Variants in CBFA2T2 observed in about 807,000 individuals in gnomAD.
The protein encoded by CBFA2T2 is protein CBFA2T2.
CBFA2T2 carries 11 observed loss-of-function variants against 62.2 expected under a neutral mutation model. The observed-to-expected ratio is 0.18, with a 90% confidence interval of 0.11 to 0.29. The LOEUF (loss-of-function observed/expected upper bound fraction) is 0.29, where lower values mean the gene tolerates loss of function less well. Ranked by LOEUF, CBFA2T2 falls within the 10% of genes least tolerant of loss-of-function variation. CBFA2T2 has a pLI of 1.00. For missense variants in CBFA2T2, 592 were observed against 774.1 expected, an observed-to-expected ratio of 0.76 and a Z score of 2.79; for synonymous variants, 295 against 287.5, an observed-to-expected ratio of 1.03 and a Z score of -0.27.
intron 1 of CBFA2T2, among the ~76,000 whole-genome samples, chr20:33,598,666 A>G (rs567645622): frequency 6.6e-6 from 1 of 152,200 alleles, no homozygotes; most frequent in Non-Finnish European, 1.5e-5. Context: ...TGACAGGATT[A>G]AGAGATTAAA....
intron 1 of CBFA2T2, among the ~76,000 whole-genome samples, chr20:33,537,567 A>C (rs898988039): frequency 6.6e-6 from 1 of 152,204 alleles, no homozygotes; most frequent in African/African-American, 2.4e-5. Flanking sequence ...TGTTGTGTCT[A>C]AGGAATCTTT....
intron 1 of CBFA2T2, among the ~76,000 whole-genome samples, chr20:33,533,406 G>A (rs1156383570): frequency 1.3e-5 from 2 of 152,136 alleles, no homozygotes; most frequent in African/African-American, 2.4e-5. Flanking sequence ...CATACAATAT[G>A]CACTCCTTTC....
At chr20:33,540,323 G>A (rs2012378897) in intron 1 of CBFA2T2, among the ~76,000 whole-genome samples, 1 of 152,164 alleles carries the variant, frequency 6.6e-6, no homozygotes, top group Non-Finnish European at 1.5e-5. Flanking sequence ...ATTATAGAGT[G>A]TACTTACACA....
At chr20:33,607,309 T>C (rs1318375314) in intron 2 of CBFA2T2, among the ~76,000 whole-genome samples, 1 of 152,248 alleles carries the variant, frequency 6.6e-6, no homozygotes, top group African/African-American at 2.4e-5. Context: ...TTTAGTTGTT[T>C]AAATATTTTG....
chr20:33,562,964 T>C (rs2013144943), intron 1 of CBFA2T2, among the ~76,000 whole-genome samples: 1 of 152,244 alleles, frequency 6.6e-6, no homozygotes, highest in Non-Finnish European at 1.5e-5. Context: ...AATATTTCTG[T>C]AAGGTTTTCC....
At position 33,522,119 on chromosome 20, in the gene CBFA2T2, C is replaced by T. The variant is rs760108789; in HGVS notation, c.34+31818C>T. 3.6e-4 allele frequency among the ~76,000 whole-genome samples: 54 copies of T among 152,042 alleles called. 1 individual carries two copies. The highest frequency in any genetic ancestry group is 6.5e-4 in the Non-Finnish European group (44 of 68,030). ...CTGAAGAATGGAATTGAAATAGAGACTCCAGGGTCATAGACTCTTGGAAGG... is the reference window on the plus strand; with the variant it reads ...CTGAAGAATGGAATTGAAATAGAGATTCCAGGGTCATAGACTCTTGGAAGG... On this transcript the variant is annotated intron_variant, in intron 1 of 10. Transcript: ENST00000342704.
intron 1 of CBFA2T2, among the ~76,000 whole-genome samples, chr20:33,523,077 T>C (rs1198820449): frequency 1.3e-5 from 2 of 152,142 alleles, no homozygotes; most frequent in Non-Finnish European, 2.9e-5. Context: ...AAATTTACCT[T>C]AGCCATGGGG....
chr20:33,528,490 A>G (rs1349080460), intron 1 of CBFA2T2, among the ~76,000 whole-genome samples: 1 of 151,976 alleles, frequency 6.6e-6, no homozygotes, highest in South Asian at 2.1e-4. Context: ...TTGGTGGGCT[A>G]TTTTTCTCTC....
At chr20:33,622,426 TTA>T (rs1268366738) in intron 4 of CBFA2T2, among the ~76,000 whole-genome samples, 7 of 152,328 alleles carry the variant, frequency 4.6e-5, no homozygotes, top group African/African-American at 1.4e-4. Context: ...AATTTCTACT[TTA>T]TGTTTTTTTT....
chr20:33,613,700 C>T lies in CBFA2T2; in HGVS notation c.420+2365C>T, dbSNP rs529439531. 2.0e-5 allele frequency among the ~76,000 whole-genome samples: 3 copies of T among 152,230 alleles called. No homozygotes were observed. In the East Asian group the frequency reaches 5.8e-4, roughly 29 times the overall value. On this transcript the variant is annotated intron_variant, in intron 3 of 10. Coordinates refer to ENST00000342704, the MANE Select transcript of CBFA2T2 (RefSeq NM_001032999.3). ...GCAGAACCACTCTACACACGGCCAC[C>T]CTTATCGGTTAGGGAGAAGTTTAGT...
chr20:33,606,563 C>G (rs992276894), intron 1 of CBFA2T2, among the ~76,000 whole-genome samples: 1 of 152,150 alleles, frequency 6.6e-6, no homozygotes, highest in Admixed American at 6.5e-5. Context: ...TGGCATTCCT[C>G]GGTGTATAGA....
At chr20:33,626,731 C>T (rs911650495) in intron 6 of CBFA2T2, among the ~76,000 whole-genome samples, 5 of 152,160 alleles carry the variant, frequency 3.3e-5, no homozygotes, top group Admixed American at 6.5e-5. Flanking sequence ...TACTTAGGCT[C>T]ACTAGCATCT....
chr20:33,567,259 C>T (rs1478053985), intron 1 of CBFA2T2, among the ~76,000 whole-genome samples: 2 of 152,290 alleles, frequency 1.3e-5, no homozygotes, highest in Admixed American at 6.5e-5. Context: ...AGCAACAGCT[C>T]GTGGAAATCC....
rs1235253004 is a variant in CBFA2T2, at chr20:33,623,240, C to T, written c.636C>T (p.Asp212=). The change falls in exon 5 of 11, where the codon GAC becomes GAT. Residue 212 remains aspartate, a synonymous_variant. Coordinates refer to ENST00000342704, the MANE Select transcript of CBFA2T2 (RefSeq NM_001032999.3). The stretch of plus-strand genomic sequence containing the variant: ...ACACAAGCATTGCATCGCCTGCTGA[C>T]TCGTCAGAGTTGCTCATGGAGGTGC... ...LLNTSIASPA[D]SSELLMEVHG... is the part of the protein sequence containing the mutation. 6.2e-6 allele frequency: 10 copies of T among 1,614,120 alleles called. No individual in the cohort carries two copies. The Admixed American group carries it at 1.7e-4, about 27-fold the overall frequency.
At chr20:33,529,743 T>TTA (rs139769122) in intron 1 of CBFA2T2, among the ~76,000 whole-genome samples, 31 of 4,046 alleles carry the variant, frequency 7.7e-3, no homozygotes, top group African/African-American at 9.5e-3. Context: ...AAGAAAGCAG[T>TTA]TATATATATA....
intron 3 of CBFA2T2, among the ~76,000 whole-genome samples, chr20:33,619,212 T>G (rs931627817): frequency 6.6e-6 from 1 of 152,036 alleles, no homozygotes; most frequent in African/African-American, 2.4e-5. Flanking sequence ...GCATCTCTAC[T>G]AAACATTTAA....
chr20:33,583,926 A>G (rs544529253), intron 1 of CBFA2T2, among the ~76,000 whole-genome samples: 8 of 151,334 alleles, frequency 5.3e-5, no homozygotes, highest in African/African-American at 2.0e-4. Context: ...TTATTTATTT[A>G]TTTATTTGTT....
At chr20:33,628,592 C>T (rs189001182) in intron 7 of CBFA2T2, among the ~76,000 whole-genome samples, 157 bp downstream of exon 7, 17 of 152,306 alleles carry the variant, frequency 1.1e-4, no homozygotes, top group East Asian at 3.9e-4. Flanking sequence ...CCTCTGTCTT[C>T]GGAGTAGCTG....
At chr20:33,633,381 T>A (rs6059392) in intron 8 of CBFA2T2, among the ~76,000 whole-genome samples, 1,592 of 39,506 alleles carry the variant, frequency 0.04, 14 homozygotes, top group South Asian at 0.064. Flanking sequence ...AAAAAAAAAA[T>A]AAATAAATAA....
Sources: allele counts gnomAD v4.1 joint callset (sites outside exome capture counted in the v4.1 genomes callset), GRCh38; gene constraint gnomAD v4.1.1; transcripts MANE v1.5; gene names NCBI Gene and HGNC (gene_info 2026-07-23, HGNC 2026-07-21).